The following ADIPOR2 variants were observed in gnomAD, a reference collection of about 807,000 sequenced individuals.
ADIPOR2 encodes the protein adiponectin receptor protein 2.
ADIPOR2 carries 18 observed loss-of-function variants against 40.9 expected under a neutral mutation model. The observed-to-expected ratio is 0.44, with a 90% CI of 0.30 to 0.65. The LOEUF is 0.65. ADIPOR2 is among the 30% of genes least tolerant of loss of function. The pLI is 0.09. For synonymous variants in ADIPOR2, 165 were observed against 166.4 expected (o/e 0.99, Z 0.06); for missense variants, 283 against 479.2 (o/e 0.59, Z 3.82).
intron 2 of ADIPOR2, among the ~76,000 whole-genome samples, chr12:1,762,794 A>AT (rs1478069945): frequency 6.6e-6 from 1 of 152,214 alleles, no homozygotes; most frequent in African/African-American, 2.4e-5. Context: ...TTTCATGTGA[A>AT]TGTATGTGTA....
intron 1 of ADIPOR2, among the ~76,000 whole-genome samples, chr12:1,748,407 CCT>C (rs1229376347): frequency 1.2e-4 from 19 of 152,054 alleles, no homozygotes; most frequent in African/African-American, 4.6e-4. Flanking sequence ...CGCCACCACG[CCT>C]GGCTAATTTT....
chr12:1,724,270 C>T (rs576524156), intron 1 of ADIPOR2, among the ~76,000 whole-genome samples: 154 of 152,112 alleles, frequency 1.0e-3, no homozygotes, highest in Non-Finnish European at 1.5e-3. Flanking sequence ...TGTGAGCCAC[C>T]GCACCCGGCC....
intron 1 of ADIPOR2, among the ~76,000 whole-genome samples, chr12:1,744,649 C>A (rs143175924): frequency 1.3e-5 from 2 of 152,276 alleles, no homozygotes; most frequent in East Asian, 3.9e-4. Context: ...CTTGAAAATT[C>A]TTAAATGGTG....
chr12:1,691,758 G>A (rs529363216), intron 1 of ADIPOR2, among the ~76,000 whole-genome samples: 5 of 152,094 alleles, frequency 3.3e-5, no homozygotes, highest in Admixed American at 1.3e-4. Flanking sequence ...GTCAGTGTTC[G>A]CTTCTTCTAA....
At chr12:1,740,517 T>G (rs2094740439) in intron 1 of ADIPOR2, among the ~76,000 whole-genome samples, 1 of 152,232 alleles carries the variant, frequency 6.6e-6, no homozygotes, top group Admixed American at 6.5e-5. Flanking sequence ...TGTAACTTCA[T>G]TTAACCTTGA....
Position 1,758,033 on chromosome 12 carries a change from C to G in ADIPOR2, c.171+3519C>G, listed in dbSNP as rs1022812507. On this transcript the variant is annotated intron_variant, in intron 2 of 7. Transcript: ENST00000357103. ...CCATGGCTGCGTTAGGCAGGGAAAG[C>G]AAAATATATTTTTAGAGTCCAGAAC... 3.4e-5 allele frequency: 25 copies of G among 727,452 alleles called. No individual in the cohort carries two copies. The African/African-American group carries it at 3.9e-4, about 11-fold the overall frequency. 45.1% of individuals were successfully genotyped at this position (727,452 alleles called of 1,614,324 possible). A position where few individuals can be genotyped will look rare whatever the true frequency, so the allele number is the denominator to read the frequency against.
rs1592622210 is a variant in ADIPOR2 at position 1,765,166 on chromosome 12, T to A, written c.172-7676T>A. Among the ~76,000 whole-genome samples, 3 of 152,166 alleles carry A rather than the reference T, an allele frequency of 2.0e-5. No individual in the cohort carries two copies. In the South Asian group the frequency reaches 6.2e-4, roughly 31 times the overall value. ...ATTTTAAATATTAGTTTGAAAAAAA[T>A]ACATGATAGAAATTGGCTATGAATT... On this transcript the variant is annotated intron_variant, in intron 2 of 7. Coordinates refer to ENST00000357103, the MANE Select transcript of ADIPOR2 (RefSeq NM_024551.3).
rs2094644131 is a variant in ADIPOR2 at position 1,698,613 on chromosome 12, T to C, written c.-87+7422T>C. Among the ~76,000 whole-genome samples, 7 of 152,338 alleles carry C rather than the reference T, an allele frequency of 4.6e-5. No individual in the cohort carries two copies. In the South Asian group the frequency reaches 1.4e-3, roughly 32 times the overall value. On this transcript the variant is annotated intron_variant, in intron 1 of 7. Coordinates refer to ENST00000357103, the MANE Select transcript of ADIPOR2 (RefSeq NM_024551.3). ...TTAGTAGTTCTCTAGTGTAGTATTATTAAATGGATATGCTATAACTTAATA... is the reference window on the plus strand; with the variant it reads ...TTAGTAGTTCTCTAGTGTAGTATTACTAAATGGATATGCTATAACTTAATA...
rs59268943 is a variant in ADIPOR2 at position 1,721,205 on chromosome 12, C to CTTT, written c.-87+30042_-87+30044dup. 1.5e-4 allele frequency among the ~76,000 whole-genome samples: 9 copies of CTTT among 58,206 alleles called. 1 individual carries two copies. Among genetic ancestry groups the CTTT allele is most frequent in the African/African-American group, 6.4e-4 (9 of 14,010 alleles). 38.2% of individuals were successfully genotyped at this position (58,206 alleles called of 152,430 possible). On this transcript the variant is annotated intron_variant, in intron 1 of 7. Coordinates refer to ENST00000357103, the MANE Select transcript of ADIPOR2 (RefSeq NM_024551.3). ...CTCAACCTAGGCAAAATAAAATAAA[C>CTTT]TTTTTTTTTTTTTTTTTTTTTTTTT...
chr12:1,754,699 TTACTACTACTAC>T (rs59598626), intron 2 of ADIPOR2, among the ~76,000 whole-genome samples, 185 bp downstream of exon 2: 1,961 of 103,584 alleles, frequency 0.019, 39 homozygotes, highest in African/African-American at 0.061. Flanking sequence ...ATTATTATTA[TTACTACTACTAC>T]TACTACTACT....
chr12:1,774,792 A>G (rs1047591704), intron 3 of ADIPOR2, among the ~76,000 whole-genome samples: 17 of 152,040 alleles, frequency 1.1e-4, no homozygotes, highest in African/African-American at 7.2e-5. Context: ...GCAACCTCCA[A>G]CTCCCGGGTT....
chr12:1,701,716 A>T (rs2094650534), intron 1 of ADIPOR2, among the ~76,000 whole-genome samples: 1 of 152,184 alleles, frequency 6.6e-6, no homozygotes, highest in Non-Finnish European at 1.5e-5. Context: ...TCTCATGTTG[A>T]TAGGCATTTA....
At chr12:1,698,494 A>T (rs2094643826) in intron 1 of ADIPOR2, among the ~76,000 whole-genome samples, 1 of 152,150 alleles carries the variant, frequency 6.6e-6, no homozygotes, top group African/African-American at 2.4e-5. Context: ...AAGTGCTGGG[A>T]TTATAGGCTT....
At chr12:1,744,242 C>G (rs572456073) in intron 1 of ADIPOR2, among the ~76,000 whole-genome samples, 6 of 151,900 alleles carry the variant, frequency 3.9e-5, no homozygotes, top group Non-Finnish European at 8.8e-5. Flanking sequence ...GTAGCTGGGA[C>G]TACAGGCAGC....
intron 1 of ADIPOR2, among the ~76,000 whole-genome samples, chr12:1,715,024 G>C (rs928391950): frequency 9.2e-5 from 14 of 152,010 alleles, no homozygotes; most frequent in Admixed American, 9.2e-4. Flanking sequence ...ATAACCGATA[G>C]CCTGGGAGTT....
intron 1 of ADIPOR2, among the ~76,000 whole-genome samples, chr12:1,742,928 G>T (rs1233423194): frequency 6.6e-6 from 1 of 152,078 alleles, no homozygotes; most frequent in Non-Finnish European, 1.5e-5. Context: ...TTTACTTCAG[G>T]ATCAAATATT....
At chr12:1,715,339 T>A (rs2094685367) in intron 1 of ADIPOR2, among the ~76,000 whole-genome samples, 1 of 152,048 alleles carries the variant, frequency 6.6e-6, no homozygotes, top group Non-Finnish European at 1.5e-5. Context: ...GAGAGAATAT[T>A]GGGGCCAGGC....
chr12:1,754,579 A>G (rs1441454365), intron 2 of ADIPOR2, 65 bp downstream of exon 2: 11 of 1,470,978 alleles, frequency 7.5e-6, no homozygotes, highest in Non-Finnish European at 7.3e-6. Context: ...GAGGGAGGAT[A>G]TGGGGAAAAA....
intron 1 of ADIPOR2, among the ~76,000 whole-genome samples, chr12:1,716,776 G>C (rs911611901): frequency 6.6e-6 from 1 of 152,108 alleles, no homozygotes; most frequent in Non-Finnish European, 1.5e-5. Context: ...TAAAACCTTA[G>C]CAATTTTTCA....
Sources: gnomAD v4.1 joint callset for allele counts (sites outside exome capture counted in the v4.1 genomes callset) on GRCh38, gnomAD v4.1.1 for gene constraint, MANE v1.5 for transcripts, NCBI Gene and HGNC (gene_info 2026-07-23, HGNC 2026-07-21) for gene names.